SELENOF: variants seen among roughly 807,000 people sequenced by gnomAD.
SELENOF encodes 15 kDa selenoprotein.
In SELENOF, 16 loss-of-function variants were observed where a neutral mutation model predicts 20.5. The ratio of observed to expected loss-of-function variants is 0.78; its 90% CI spans 0.53 to 1.19. The LOEUF (loss-of-function observed/expected upper bound fraction) is 1.19, where lower values mean the gene tolerates loss of function less well. SELENOF is among the 50% of genes most tolerant of loss of function. SELENOF has a pLI of 0.00. For synonymous variants in SELENOF, 78 were observed against 74.5 expected, an observed-to-expected ratio of 1.05 and a Z score of -0.24; for missense variants, 215 against 194.2, an observed-to-expected ratio of 1.11 and a Z score of -0.64.
chr1:86,896,666 A>T (rs958774817), intron 2 of SELENOF, among the ~76,000 whole-genome samples: 3 of 152,202 alleles, frequency 2.0e-5, no homozygotes, highest in Admixed American at 6.5e-5. Context: ...CTCTTTTTAG[A>T]TAGATTTGGG....
chr1:86,910,166 TA>T (rs1659941816), intron 1 of SELENOF, among the ~76,000 whole-genome samples: 1 of 152,196 alleles, frequency 6.6e-6, no homozygotes, highest in South Asian at 2.1e-4. Context: ...TATTAGAAGT[TA>T]AAACTAAAAA....
chr1:86,903,870 T>G (rs1335123261), intron 1 of SELENOF, among the ~76,000 whole-genome samples: 1 of 152,246 alleles, frequency 6.6e-6, no homozygotes, highest in South Asian at 2.1e-4. Context: ...ATGAGCCACC[T>G]CGCCCAGCAA....
chr1:86,867,283 G>A (rs1286409315), intron 4 of SELENOF, among the ~76,000 whole-genome samples: 1 of 152,072 alleles, frequency 6.6e-6, no homozygotes, highest in African/African-American at 2.4e-5. Flanking sequence ...TTGAGGTCAG[G>A]AGTTTGAGAC....
rs186281816 is a variant in SELENOF, at chr1:86,888,446, A to T, written c.253-7721T>A. Among the ~76,000 whole-genome samples, 490 of 152,074 alleles carry T rather than the reference A, an allele frequency of 3.2e-3. 2 individuals carry two copies. Among genetic ancestry groups the T allele is most frequent in the Middle Eastern group, 0.027 (8 of 294 alleles). On this transcript the variant is annotated intron_variant, in intron 2 of 4. Transcript: ENST00000331835. ...GCCTTTCAGAAGAAATCTTTTTTTT[A>T]AAAATTTTTGTAGAGATGGGGTCTT...
intron 2 of SELENOF, among the ~76,000 whole-genome samples, chr1:86,882,436 G>A (rs1262134249): frequency 6.6e-6 from 1 of 150,474 alleles, no homozygotes; most frequent in Non-Finnish European, 1.5e-5. Flanking sequence ...AGAGATTAGG[G>A]AAATGCATAT....
intron 2 of SELENOF, among the ~76,000 whole-genome samples, chr1:86,884,302 A>C (rs1163009726): frequency 6.6e-6 from 1 of 151,916 alleles, no homozygotes; most frequent in East Asian, 1.9e-4. Flanking sequence ...TTAAAAGTCA[A>C]ACTCTAAAAG....
Position 86,893,376 on chromosome 1 carries a change from G to A in SELENOF, c.252+9905C>T, listed in dbSNP as rs1465118845. On this transcript the variant is annotated intron_variant, in intron 2 of 4. Coordinates refer to ENST00000331835, the MANE Select transcript of SELENOF (RefSeq NM_004261.5). ...TCCCAGCACTTTGGGAGGCCAAGGT[G>A]GGTGGATCACGAAGTCAGGAGATCG... Among the ~76,000 whole-genome samples the A allele has an allele frequency of 3.3e-5, 5 of 151,676 alleles. No homozygotes were observed. In the East Asian group the frequency reaches 9.7e-4, roughly 29 times the overall value.
intron 3 of SELENOF, among the ~76,000 whole-genome samples, chr1:86,872,819 G>T (rs571261264): frequency 1.3e-5 from 2 of 152,086 alleles, no homozygotes; most frequent in Non-Finnish European, 2.9e-5. Flanking sequence ...GAGGTGGGAG[G>T]ATCACGAGGT....
intron 3 of SELENOF, among the ~76,000 whole-genome samples, chr1:86,877,680 C>T (rs1478753194): frequency 6.6e-6 from 1 of 152,012 alleles, no homozygotes; most frequent in African/African-American, 2.4e-5. Flanking sequence ...TTCAAAACTC[C>T]TTTTTGCGTC....
In SELENOF at chr1:86,874,588, A is replaced by C. The variant is rs74099315; in HGVS notation, c.316+6074T>G. Among the ~76,000 whole-genome samples the C allele has an allele frequency of 4.0e-3, 602 of 151,944 alleles. 3 individuals carry two copies. The highest frequency in any genetic ancestry group is 0.014 in the African/African-American group (579 of 41,472). On this transcript the variant is annotated intron_variant, in intron 3 of 4. Transcript: ENST00000331835. ...AGTATTAAGGAGTATTAAAAAAAAA[A>C]CCCCAAAACCCAAACCCACATCTGT...
intron 2 of SELENOF, among the ~76,000 whole-genome samples, chr1:86,901,168 A>C (rs1415014960): frequency 6.6e-6 from 1 of 152,210 alleles, no homozygotes; most frequent in African/African-American, 2.4e-5. Flanking sequence ...TTGACAACTA[A>C]ATTAAACTGT....
At chr1:86,888,129 G>A (rs978756506) in intron 2 of SELENOF, among the ~76,000 whole-genome samples, 7 of 151,876 alleles carry the variant, frequency 4.6e-5, no homozygotes, top group Non-Finnish European at 1.0e-4. Flanking sequence ...GCATGATGGC[G>A]GGTGCCTGTA....
rs535243866 is a variant in SELENOF, at chr1:86,866,230, C to CTCTGTG, written c.366+1822_366+1823insCACAGA. 6.4e-3 allele frequency among the ~76,000 whole-genome samples: 731 copies of CTCTGTG among 113,672 alleles called. 2 individuals carry two copies. Among genetic ancestry groups the CTCTGTG allele is most frequent in the Middle Eastern group, 0.016 (3 of 186 alleles). The allele number at this position is 113,672 out of a possible 152,430, so 74.6% of individuals were successfully genotyped here. On this transcript the variant is annotated intron_variant, in intron 4 of 4. Coordinates refer to ENST00000331835, the MANE Select transcript of SELENOF (RefSeq NM_004261.5). ...AAAAAAAAAAAAAAAGTGTGTGTCT[C>CTCTGTG]TGTGTGTGTGTGTGTGTGTGTGTGT...
chr1:86,868,306 G>C (rs1385003493), intron 3 of SELENOF, among the ~76,000 whole-genome samples: 4 of 152,068 alleles, frequency 2.6e-5, no homozygotes, highest in Non-Finnish European at 5.9e-5. Context: ...CAAATTAATA[G>C]AAATCCCAAA....
intron 1 of SELENOF, among the ~76,000 whole-genome samples, chr1:86,911,512 C>T (rs1442608348): frequency 6.6e-6 from 1 of 152,088 alleles, no homozygotes; most frequent in Admixed American, 6.5e-5. Context: ...ACAGACTTCA[C>T]CTTAAAAAAC....
At chr1:86,877,616 A>G (rs1658956342) in intron 3 of SELENOF, among the ~76,000 whole-genome samples, 1 of 152,230 alleles carries the variant, frequency 6.6e-6, no homozygotes, top group Admixed American at 6.5e-5. Flanking sequence ...ACTTCGGAGC[A>G]TTCTAGATTT....
chr1:86,901,112 A>G (rs746548506), intron 2 of SELENOF, among the ~76,000 whole-genome samples: 2 of 152,174 alleles, frequency 1.3e-5, no homozygotes, highest in Non-Finnish European at 2.9e-5. Flanking sequence ...AGACTTAAAT[A>G]TTTTTAATGT....
At chr1:86,874,162 G>A (rs978365405) in intron 3 of SELENOF, among the ~76,000 whole-genome samples, 1 of 151,842 alleles carries the variant, frequency 6.6e-6, no homozygotes, top group Non-Finnish European at 1.5e-5. Flanking sequence ...GTAGAGACGG[G>A]GTTTCACCAT....
At chr1:86,880,532 A>G (rs1197433009) in intron 3 of SELENOF, 130 bp downstream of exon 3, 8 of 526,048 alleles carry the variant, frequency 1.5e-5, no homozygotes, top group Non-Finnish European at 2.7e-5. Flanking sequence ...ACAAATTGAA[A>G]AAAAAGCATA....
Sources: allele counts gnomAD v4.1 joint callset (sites outside exome capture counted in the v4.1 genomes callset), GRCh38; gene constraint gnomAD v4.1.1; transcripts MANE v1.5; gene names NCBI Gene and HGNC (gene_info 2026-07-23, HGNC 2026-07-21).